ABL2: variants seen among roughly 807,000 people sequenced by gnomAD.
ABL2 encodes tyrosine-protein kinase ABL2.
In ABL2, 49 loss-of-function variants were observed where a neutral mutation model predicts 107.7. That is an observed-to-expected ratio of 0.45 (90% CI 0.36 to 0.58). The LOEUF is 0.58. Ranked by LOEUF, ABL2 falls within the 20% of genes least tolerant of loss-of-function variation. The probability of loss-of-function intolerance (pLI) is 0.00; values close to 1 mark genes in which losing one functional copy is unlikely to be tolerated. For synonymous variants in ABL2, 549 were observed against 548.6 expected (o/e 1.00, Z -0.01); for missense variants, 1,245 against 1,457.0 (o/e 0.85, Z 2.37).
intron 1 of ABL2, among the ~76,000 whole-genome samples, chr1:179,218,357 C>T (rs993863228): frequency 1.3e-5 from 2 of 152,100 alleles, no homozygotes; most frequent in East Asian, 3.9e-4. Flanking sequence ...TACATTACAT[C>T]CTGTTTTCTG....
chr1:179,167,509 T>A (rs1264735232), intron 1 of ABL2, among the ~76,000 whole-genome samples: 1 of 151,968 alleles, frequency 6.6e-6, no homozygotes, highest in Non-Finnish European at 1.5e-5. Flanking sequence ...ATTGACAGAG[T>A]GGAGTGACTA....
rs1457252526 is a variant in ABL2 at position 179,126,562 on chromosome 1, G to A, written c.502C>T (p.Leu168=). The stretch of plus-strand genomic sequence containing the variant: ...CCATGGTACCAGGAGTGTTTTTCCA[G>A]GCTGTTCACTGGGGTGATGTAGTTG... ...PSNYITPVNS[L]EKHSWYHGPV... is the part of the protein sequence containing the mutation. Residue 168 remains leucine (L), a synonymous_variant, in exon 4 of 12, where the codon CTG becomes TTG. Coordinates refer to ENST00000502732, the MANE Select transcript of ABL2 (RefSeq NM_007314.4). The surrounding 1 kb of genome is among the most constrained non-coding windows in gnomAD (Gnocchi z 4.4). The A allele has an allele frequency of 2.5e-6, 4 of 1,614,176 alleles. No homozygotes were observed. The Admixed American group carries it at 5.0e-5, about 20-fold the overall frequency.
At chr1:179,168,444 T>G (rs1659521685) in intron 1 of ABL2, among the ~76,000 whole-genome samples, 2 of 152,174 alleles carry the variant, frequency 1.3e-5, no homozygotes, top group Non-Finnish European at 2.9e-5. Context: ...TCTCAATCTG[T>G]GCTTGGCTGA....
Position 179,189,315 on chromosome 1 carries a change from G to C in ABL2, c.157+39926C>G, listed in dbSNP as rs151190159. 2.5e-3 allele frequency among the ~76,000 whole-genome samples: 378 copies of C among 152,166 alleles called. 5 individuals carry two copies. Among genetic ancestry groups the C allele is most frequent in the African/African-American group, 8.8e-3 (367 of 41,522 alleles). ...CACAGCCGGCTATTTTGTATTTTTA[G>C]TAGAGACGGGGTTTCACCATGTTGG... On this transcript the variant is annotated intron_variant, in intron 1 of 11. Transcript: ENST00000502732.
chr1:179,128,032 A>T (rs958316527), intron 3 of ABL2, among the ~76,000 whole-genome samples: 5 of 146,964 alleles, frequency 3.4e-5, no homozygotes, highest in African/African-American at 5.0e-5. Flanking sequence ...GAGACTGCTA[A>T]AAAAAAAAAA....
chr1:179,210,201 A>G (rs1015855652), intron 1 of ABL2, among the ~76,000 whole-genome samples: 14 of 152,148 alleles, frequency 9.2e-5, no homozygotes, highest in African/African-American at 3.4e-4. Flanking sequence ...ATGAGAAAAA[A>G]AATGATTTTA....
At chr1:179,217,261 C>G (rs1662618097) in intron 1 of ABL2, among the ~76,000 whole-genome samples, 1 of 151,910 alleles carries the variant, frequency 6.6e-6, no homozygotes, top group African/African-American at 2.4e-5. Context: ...TTGCAGTGAG[C>G]CAAGATGGCA....
At chr1:179,170,430 T>C (rs1248774615) in intron 1 of ABL2, among the ~76,000 whole-genome samples, 1 of 152,106 alleles carries the variant, frequency 6.6e-6, no homozygotes, top group Non-Finnish European at 1.5e-5. Context: ...TGCTTTTTTT[T>C]TTTTGAGTCA....
intron 1 of ABL2, among the ~76,000 whole-genome samples, chr1:179,133,762 G>A (rs539446872): frequency 6.6e-6 from 1 of 152,230 alleles, no homozygotes; most frequent in South Asian, 2.1e-4. Context: ...TATATACTAC[G>A]TTTTTCCTAC....
intron 1 of ABL2, among the ~76,000 whole-genome samples, chr1:179,136,814 G>GCA (rs1657061647): frequency 6.6e-6 from 1 of 151,322 alleles, no homozygotes. Flanking sequence ...TACTTCGGAG[G>GCA]CTGAGGCACG....
intron 1 of ABL2, among the ~76,000 whole-genome samples, chr1:179,183,320 C>T (rs550423439): frequency 2.5e-4 from 38 of 152,048 alleles, no homozygotes; most frequent in Non-Finnish European, 4.6e-4. Context: ...GACTTCACCA[C>T]GACATAACAA....
At chr1:179,185,410 T>C (rs940514211) in intron 1 of ABL2, among the ~76,000 whole-genome samples, 8 of 152,200 alleles carry the variant, frequency 5.3e-5, no homozygotes, top group Admixed American at 2.6e-4. Flanking sequence ...TTATGTGGAA[T>C]TGACATTCTC....
intron 1 of ABL2, among the ~76,000 whole-genome samples, chr1:179,185,447 T>A (rs537858761): frequency 1.7e-4 from 26 of 152,232 alleles, no homozygotes; most frequent in South Asian, 2.1e-4. Flanking sequence ...CTGTTTTTTT[T>A]AAAAAAAATT....
At chr1:179,224,223 A>C (rs1663067728) in intron 1 of ABL2, among the ~76,000 whole-genome samples, 1 of 151,508 alleles carries the variant, frequency 6.6e-6, no homozygotes, top group Non-Finnish European at 1.5e-5. Context: ...GTTTGATTTA[A>C]GGAAAAATTT....
At chr1:179,138,446 A>C (rs1261707126) in intron 1 of ABL2, among the ~76,000 whole-genome samples, 1 of 152,192 alleles carries the variant, frequency 6.6e-6, no homozygotes, top group East Asian at 1.9e-4. Context: ...ATCCCTAGTA[A>C]TTTGAGTGAA....
intron 2 of ABL2, among the ~76,000 whole-genome samples, chr1:179,132,515 T>C (rs1557938457): frequency 6.6e-6 from 1 of 151,506 alleles, no homozygotes; most frequent in East Asian, 1.9e-4. Flanking sequence ...CCTCCACTTA[T>C]GATTATTATG....
At chr1:179,218,212 TCTCAA>T (rs1224770832) in intron 1 of ABL2, among the ~76,000 whole-genome samples, 1 of 152,104 alleles carries the variant, frequency 6.6e-6, no homozygotes, top group East Asian at 1.9e-4. Flanking sequence ...AAAATGTGTC[TCTCAA>T]GAGACCTCTA....
intron 6 of ABL2, 24 bp from the exon 7 acceptor site, chr1:179,118,788 G>A: frequency 6.2e-7 from 1 of 1,609,798 alleles, no homozygotes; most frequent in South Asian, 1.1e-5. Flanking sequence ...AATAGTGCTT[G>A]TTTTTATTAG....
At chr1:179,215,138 C>G (rs1221365632) in intron 1 of ABL2, among the ~76,000 whole-genome samples, 2 of 148,698 alleles carry the variant, frequency 1.3e-5, no homozygotes, top group Non-Finnish European at 3.0e-5. Flanking sequence ...CCAGCCTAGG[C>G]AACAGAATAA....
Sources: allele counts gnomAD v4.1 joint callset (sites outside exome capture counted in the v4.1 genomes callset), GRCh38; gene constraint gnomAD v4.1.1; non-coding constraint Gnocchi (gnomAD v3.1); transcripts MANE v1.5; gene names NCBI Gene and HGNC (gene_info 2026-07-23, HGNC 2026-07-21).